Variants in JAZF1 observed in about 807,000 individuals in gnomAD.
JAZF1 encodes the protein JAZF zinc finger 1.
A neutral mutation model predicts 26.4 loss-of-function variants in JAZF1; 8 were observed. The observed-to-expected ratio is 0.30, with a 90% CI of 0.18 to 0.55. JAZF1 has a LOEUF of 0.55. JAZF1 is among the 20% of genes least tolerant of loss of function. JAZF1 has a pLI of 0.94. For synonymous variants in JAZF1, 126 were observed against 122.3 expected (o/e 1.03, Z -0.20); for missense variants, 199 against 322.0 (o/e 0.62, Z 2.92).
At chr7:28,179,286 C>A (rs1176705387) in intron 1 of JAZF1, among the ~76,000 whole-genome samples, 3 of 152,238 alleles carry the variant, frequency 2.0e-5, no homozygotes, top group Non-Finnish European at 4.4e-5. Flanking sequence ...GCCAGATGCA[C>A]CCGGCCCACC....
chr7:27,933,196 T>G (rs34882918), intron 2 of JAZF1, among the ~76,000 whole-genome samples: 2 of 152,234 alleles, frequency 1.3e-5, no homozygotes, highest in Non-Finnish European at 2.9e-5. Flanking sequence ...GAGGGTTTAA[T>G]AAAGACAACA....
chr7:27,981,293 T>C (rs1035210592), intron 2 of JAZF1, among the ~76,000 whole-genome samples: 3 of 152,116 alleles, frequency 2.0e-5, no homozygotes, highest in African/African-American at 7.2e-5. Context: ...TCAAATGACA[T>C]CTAGAGGAAA....
At chr7:28,136,927 G>C (rs1041279181) in intron 1 of JAZF1, among the ~76,000 whole-genome samples, 9 of 152,194 alleles carry the variant, frequency 5.9e-5, no homozygotes, top group African/African-American at 1.7e-4. Context: ...GTGTTCACAC[G>C]GGAGGCTCGC....
At chr7:27,885,304 A>T (rs1471541516) in intron 3 of JAZF1, among the ~76,000 whole-genome samples, 1 of 152,228 alleles carries the variant, frequency 6.6e-6, no homozygotes. Context: ...CACCTGCTGG[A>T]AACATCCAGT....
At chr7:28,078,357 A>T (rs377114289) in intron 1 of JAZF1, among the ~76,000 whole-genome samples, 11 of 152,358 alleles carry the variant, frequency 7.2e-5, no homozygotes, top group African/African-American at 2.4e-4. Flanking sequence ...CCCATCACAG[A>T]GAACTGCTGA....
chr7:27,939,619 T>C (rs1784812805), intron 2 of JAZF1, among the ~76,000 whole-genome samples: 1 of 152,198 alleles, frequency 6.6e-6, no homozygotes, highest in Non-Finnish European at 1.5e-5. Flanking sequence ...ACTTCAGCAA[T>C]GAGCCAGTGT....
chr7:28,157,058 T>G (rs762178269), intron 1 of JAZF1, among the ~76,000 whole-genome samples: 29 of 152,240 alleles, frequency 1.9e-4, no homozygotes, highest in Non-Finnish European at 3.4e-4. Context: ...TACATACATG[T>G]GCATGCACAC....
intron 1 of JAZF1, among the ~76,000 whole-genome samples, chr7:28,080,473 G>A (rs1187731623): frequency 6.6e-6 from 1 of 152,172 alleles, no homozygotes; most frequent in Non-Finnish European, 1.5e-5. Flanking sequence ...CTAACTGTTT[G>A]GTGCAAGAAG....
At chr7:28,170,335 A>ATG (rs1783436475) in intron 1 of JAZF1, among the ~76,000 whole-genome samples, 12 of 140,078 alleles carry the variant, frequency 8.6e-5, no homozygotes, top group East Asian at 8.4e-4. Flanking sequence ...AGAGAAGTTG[A>ATG]TATGTGTGTG....
intron 1 of JAZF1, among the ~76,000 whole-genome samples, chr7:28,047,943 T>C (rs560145113): frequency 6.6e-6 from 1 of 152,346 alleles, no homozygotes; most frequent in African/African-American, 2.4e-5. Context: ...AACCAGTCTG[T>C]AGAATAAGCC....
At chr7:28,068,031 G>A (rs1583541844) in intron 1 of JAZF1, among the ~76,000 whole-genome samples, 2 of 151,900 alleles carry the variant, frequency 1.3e-5, no homozygotes, top group South Asian at 4.1e-4. Context: ...TTCCTGCCTC[G>A]GCCTCCGGAG....
chr7:27,977,482 G>C (rs1411773086), intron 2 of JAZF1, among the ~76,000 whole-genome samples: 3 of 152,102 alleles, frequency 2.0e-5, no homozygotes, highest in Admixed American at 2.0e-4. Flanking sequence ...AGTCTTTCTG[G>C]TATCTCAGTT....
At chr7:27,866,585 G>T (rs1783477399) in intron 3 of JAZF1, among the ~76,000 whole-genome samples, 1 of 152,206 alleles carries the variant, frequency 6.6e-6, no homozygotes. Context: ...ATTAGTGTTG[G>T]TTGCTATAGT....
At chr7:27,929,663 T>C (rs1159635061) in intron 2 of JAZF1, among the ~76,000 whole-genome samples, 5 of 152,176 alleles carry the variant, frequency 3.3e-5, no homozygotes, top group Admixed American at 2.6e-4. Flanking sequence ...AAATTTCTCA[T>C]GGGTAAAATG....
At chr7:28,026,172 C>T (rs1783090421) in intron 1 of JAZF1, among the ~76,000 whole-genome samples, 1 of 152,178 alleles carries the variant, frequency 6.6e-6, no homozygotes, top group South Asian at 2.1e-4. Context: ...CTCACACCCT[C>T]ATCCTGTTGC....
chr7:28,122,628 C>T (rs544963606), intron 1 of JAZF1, among the ~76,000 whole-genome samples: 4 of 152,138 alleles, frequency 2.6e-5, no homozygotes, highest in Non-Finnish European at 5.9e-5. Context: ...TGCGGCCTGC[C>T]TTCCATCAAT....
chr7:27,846,855 C>A (rs776039979), intron 3 of JAZF1, among the ~76,000 whole-genome samples: 6 of 152,266 alleles, frequency 3.9e-5, no homozygotes, highest in Non-Finnish European at 5.9e-5. Context: ...TGGCTGTTAA[C>A]CCCTTATCAG....
At chr7:28,069,878 C>T (rs1290375945) in intron 1 of JAZF1, among the ~76,000 whole-genome samples, 1 of 152,148 alleles carries the variant, frequency 6.6e-6, no homozygotes, top group Non-Finnish European at 1.5e-5. Context: ...CTAAGAAGTC[C>T]CTGTCATCCC....
rs1233671857 is a variant in JAZF1, at chr7:27,843,937, C to A, written c.386-3070G>T. The A allele has an allele frequency of 2.6e-5, 4 of 152,268 alleles. No homozygotes were observed. The East Asian group carries it at 7.7e-4, about 29-fold the overall frequency. 9.4% of individuals were successfully genotyped at this position (152,268 alleles called of 1,614,324 possible). A position where few individuals can be genotyped will look rare whatever the true frequency, so the allele number is the denominator to read the frequency against. ...AAAATGCTATGTGAGCTGTTTATCT[C>A]ATTTACTGTTGCCTTGCTCTCTCTT... On this transcript the variant is annotated intron_variant, in intron 3 of 4. Coordinates refer to ENST00000283928, the MANE Select transcript of JAZF1 (RefSeq NM_175061.4).
Sources: gnomAD v4.1 joint callset for allele counts (sites outside exome capture counted in the v4.1 genomes callset) on GRCh38, gnomAD v4.1.1 for gene constraint, MANE v1.5 for transcripts, NCBI Gene and HGNC (gene_info 2026-07-23, HGNC 2026-07-21) for gene names.